Variants in SH2B3 observed in about 807,000 individuals in gnomAD.
SH2B3 encodes SH2B adaptor protein 3, also known as SH2B adapter protein 3.
SH2B3 carries 43 observed loss-of-function variants against 51.9 expected under a neutral mutation model. The observed-to-expected ratio is 0.83, with a 90% CI of 0.65 to 1.07. The LOEUF (loss-of-function observed/expected upper bound fraction) is 1.07. Ranked by LOEUF, SH2B3 falls within the 50% of genes least tolerant of loss-of-function variation. The pLI is 0.00. For synonymous variants in SH2B3, 396 were observed against 376.0 expected (o/e 1.05, Z -0.62); for missense variants, 952 against 834.3 (o/e 1.14, Z -1.74).
upstream of SH2B3, among the ~76,000 whole-genome samples, chr12:111,405,318 G>A (rs1047191637): frequency 1.3e-5 from 2 of 152,218 alleles, no homozygotes; most frequent in African/African-American, 2.4e-5. The surrounding 1 kb of genome is among the most constrained non-coding windows in gnomAD (Gnocchi z 5.4). Context: ...ACCCAAATCG[G>A]GGGCCTGGGG....
At chr12:111,421,401 C>CTTTTTTTT (rs550860498) in intron 2 of SH2B3, among the ~76,000 whole-genome samples, 1 of 90,618 alleles carries the variant, frequency 1.1e-5, no homozygotes, top group African/African-American at 5.3e-5. Context: ...TAGTGTCTTC[C>CTTTTTTTT]TTTTTTTTTT....
intron 2 of SH2B3, among the ~76,000 whole-genome samples, chr12:111,422,977 G>A (rs1336857620): frequency 2.0e-5 from 3 of 152,210 alleles, no homozygotes; most frequent in Non-Finnish European, 4.4e-5. Flanking sequence ...GATTACAGGT[G>A]CGAGCCACCA....
chr12:111,447,319 T>G lies in SH2B3; in HGVS notation c.1022-11T>G, dbSNP rs1430809426. The G allele has an allele frequency of 6.2e-7, 1 of 1,607,468 alleles. No homozygotes were observed. Among genetic ancestry groups the G allele is most frequent in the Admixed American group, 1.7e-5 (1 of 60,020 alleles). On this transcript the variant is annotated splice_polypyrimidine_tract_variant and intron_variant, in intron 5 of 7. Transcript: ENST00000341259. ...CCCCCTGCGACCACCATCACCCATC[T>G]TATCTAACAGGTGCTTCTCCTGGGG...
rs1453154192 is a variant in SH2B3 at position 111,451,250 on chromosome 12, T to A, written c.*2948T>A. On this transcript the variant is annotated 3_prime_UTR_variant, in exon 8 of 8. Coordinates refer to ENST00000341259, the MANE Select transcript of SH2B3 (RefSeq NM_005475.3). ...AATCTTGGGCCAGAGAACACTATTT[T>A]TACATAACAGTTTCTTAACCTAAAG... 6.6e-6 allele frequency: 1 copy of A among 152,644 alleles called. No individual in the cohort carries two copies. Among genetic ancestry groups the A allele is most frequent in the Non-Finnish European group, 1.5e-5 (1 of 68,044 alleles). 9.5% of individuals were successfully genotyped at this position (152,644 alleles called of 1,614,324 possible). A position where few individuals can be genotyped will look rare whatever the true frequency, so the allele number is the denominator to read the frequency against.
rs748374121 is a variant in SH2B3 at position 111,407,621 on chromosome 12, A to G, written c.-28+1344A>G. On this transcript the variant is annotated intron_variant, in intron 1 of 7. Transcript: ENST00000341259. The surrounding 1 kb of genome is among the most constrained non-coding windows in gnomAD (Gnocchi z 4.3). The stretch of plus-strand genomic sequence containing the variant: ...ATGAGAGCCAGGGCCTACTGGGGGA[A>G]GTTGGAAGGGTTTTTAGTGCACTTT... Among the ~76,000 whole-genome samples the G allele has an allele frequency of 1.2e-4, 19 of 152,182 alleles. No individual in the cohort carries two copies. The highest frequency in any genetic ancestry group is 4.6e-4 in the African/African-American group (19 of 41,452).
At chr12:111,444,539 A>G (rs185277000) in intron 2 of SH2B3, among the ~76,000 whole-genome samples, 2 of 152,362 alleles carry the variant, frequency 1.3e-5, no homozygotes, top group African/African-American at 2.4e-5. Flanking sequence ...CAACCACAGT[A>G]GAGCCTAAGC....
Position 111,406,636 on chromosome 12 carries a change from A to G in SH2B3, c.-28+359A>G, listed in dbSNP as rs1032471774. Among the ~76,000 whole-genome samples, 1 of 152,166 alleles carries G rather than the reference A, an allele frequency of 6.6e-6. No homozygotes were observed. Among genetic ancestry groups the G allele is most frequent in the Non-Finnish European group, 1.5e-5 (1 of 68,026 alleles). On this transcript the variant is annotated intron_variant, in intron 1 of 7. Transcript: ENST00000341259. The surrounding 1 kb of genome is among the most constrained non-coding windows in gnomAD (Gnocchi z 5.7). ...GGGGAGGAGCGGTCAGGGGTCACCC[A>G]TTGCTACCCTGAAAGTGAAAGTAGT...
intron 2 of SH2B3, among the ~76,000 whole-genome samples, chr12:111,445,324 T>C (rs1163998550): frequency 6.6e-6 from 1 of 152,180 alleles, no homozygotes; most frequent in Non-Finnish European, 1.5e-5. Context: ...TTACCCATCT[T>C]GCAGACAGGA....
At chr12:111,444,622 G>A in intron 2 of SH2B3, 1 of 410,070 alleles carries the variant, frequency 2.4e-6, no homozygotes, top group Non-Finnish European at 3.3e-6. Flanking sequence ...TGTGAGAGGA[G>A]GGAACCTAAA....
At chr12:111,408,442 C>A (rs1455723006) in intron 1 of SH2B3, among the ~76,000 whole-genome samples, 1 of 146,018 alleles carries the variant, frequency 6.8e-6, no homozygotes, top group African/African-American at 2.5e-5. Context: ...TGGGCCTGAT[C>A]CTCCTTCTCC....
At chr12:111,439,213 G>A (rs1049992402) in intron 2 of SH2B3, among the ~76,000 whole-genome samples, 10 of 151,428 alleles carry the variant, frequency 6.6e-5, no homozygotes, top group African/African-American at 1.7e-4. Flanking sequence ...GCAGTGGCAC[G>A]ATCTTGGCTC....
intron 1 of SH2B3, among the ~76,000 whole-genome samples, chr12:111,412,134 C>T (rs923381687): frequency 6.6e-6 from 1 of 152,234 alleles, no homozygotes; most frequent in Non-Finnish European, 1.5e-5. Context: ...TTCCTGTCCA[C>T]AGCTTGTCAG....
In SH2B3 at chr12:111,447,328, A is replaced by C. The variant is rs1874092117; in HGVS notation, c.1022-2A>C. 6.2e-7 allele frequency: 1 copy of C among 1,612,528 alleles called. No individual in the cohort carries two copies. The highest frequency in any genetic ancestry group is 8.5e-7 in the Non-Finnish European group (1 of 1,178,802). On this transcript the variant is annotated splice_acceptor_variant, in intron 5 of 7. Transcript: ENST00000341259. LOFTEE classifies it high-confidence loss of function. ...ACCACCATCACCCATCTTATCTAAC[A>C]GGTGCTTCTCCTGGGGGGCTGCTGG...
upstream of SH2B3, among the ~76,000 whole-genome samples, chr12:111,404,939 G>T (rs1227585557): frequency 6.6e-6 from 1 of 152,232 alleles, no homozygotes; most frequent in Non-Finnish European, 1.5e-5. Flanking sequence ...GGGAAGACTC[G>T]AGGTGGCCCC....
chr12:111,409,892 C>G lies in SH2B3; in HGVS notation c.-28+3615C>G, dbSNP rs1247089820. On this transcript the variant is annotated intron_variant, in intron 1 of 7. Coordinates refer to ENST00000341259, the MANE Select transcript of SH2B3 (RefSeq NM_005475.3). This position sits in a 1 kb window ranked among gnomAD's most constrained non-coding sequence, Gnocchi z 4.0. Reference sequence around the variant, plus strand: ...CAGGGGAACAGGTCCTCCTGGTGCCCCCCCACTCCCCGCCCCAGCCGGAAA... The same window carrying G: ...CAGGGGAACAGGTCCTCCTGGTGCCGCCCCACTCCCCGCCCCAGCCGGAAA... Among the ~76,000 whole-genome samples the G allele has an allele frequency of 2.0e-5, 3 of 152,222 alleles. No individual in the cohort carries two copies. The highest frequency in any genetic ancestry group is 7.2e-5 in the African/African-American group (3 of 41,462).
Position 111,418,895 on chromosome 12 carries a change from G to A in SH2B3, c.732+18G>A. 7.2e-7 allele frequency: 1 copy of A among 1,390,816 alleles called. No homozygotes were observed. The highest frequency in any genetic ancestry group is 1.5e-5 in the African/African-American group (1 of 65,290). 86.2% of individuals were successfully genotyped at this position (1,390,816 alleles called of 1,614,324 possible). A position where few individuals can be genotyped will look rare whatever the true frequency, so the allele number is the denominator to read the frequency against. On this transcript the variant is annotated intron_variant, in intron 2 of 7. Coordinates refer to ENST00000341259, the MANE Select transcript of SH2B3 (RefSeq NM_005475.3). This position sits in a 1 kb window ranked among gnomAD's most constrained non-coding sequence, Gnocchi z 6.7. ...CACCCAAGGTAAGTAAGCCCTGCCC[G>A]CGGGGTTGCGCACTGCACTGCGCCC...
At position 111,446,834 on chromosome 12, in the gene SH2B3, C is replaced by G; in HGVS notation, c.814C>G (p.Leu272Val). The change falls in exon 3 of 8, where the codon CTT becomes GTT. Residue 272 changes from leucine to valine, a missense_variant. Leu to Val is a conservative substitution (Grantham distance 32, BLOSUM62 1). Transcript: ENST00000341259. ...CACACGGCTTGAGATGCCTGACAAC[C>G]TTTACACCTTTGTGCTGAAGGTGAG... ...WCTRLEMPDN[L>V]YTFVLKVKDR... The G allele has an allele frequency of 1.3e-6, 2 of 1,597,848 alleles. No homozygotes were observed. The highest frequency in any genetic ancestry group is 8.5e-7 in the Non-Finnish European group (1 of 1,169,868).
Position 111,447,338 on chromosome 12 carries a change from C to T in SH2B3, c.1030C>T (p.Pro344Ser). The change falls in exon 6 of 8, where the codon CCT (proline) becomes TCT (serine). Residue 344 changes from proline (P) to serine (S), a missense_variant. Transcript: ENST00000341259. ...CCCATCTTATCTAACAGGTGCTTCT[C>T]CTGGGGGGCTGCTGGACCCGGCCTG... ...STDSLNQGAS[P>S]GGLLDPACQK... The T allele has an allele frequency of 6.2e-7, 1 of 1,613,816 alleles. No individual in the cohort carries two copies. The highest frequency in any genetic ancestry group is 1.1e-5 in the South Asian group (1 of 91,062).
Position 111,429,854 on chromosome 12 carries a change from C to T in SH2B3, c.732+10977C>T, listed in dbSNP as rs1468250637. Among the ~76,000 whole-genome samples the T allele has an allele frequency of 1.3e-5, 2 of 152,144 alleles. No individual in the cohort carries two copies. Among genetic ancestry groups the T allele is most frequent in the Non-Finnish European group, 2.9e-5 (2 of 68,036 alleles). On this transcript the variant is annotated intron_variant, in intron 2 of 7. Coordinates refer to ENST00000341259, the MANE Select transcript of SH2B3 (RefSeq NM_005475.3). This position sits in a 1 kb window ranked among gnomAD's most constrained non-coding sequence, Gnocchi z 4.4. ...TGGGTCTGCCAAGGCCGGGGGGCAC[C>T]AGGGGCAGGGGGTTTGTGTTTAGGC...
Sources: allele counts gnomAD v4.1 joint callset (sites outside exome capture counted in the v4.1 genomes callset), GRCh38; gene constraint gnomAD v4.1.1; non-coding constraint Gnocchi (gnomAD v3.1); transcripts MANE v1.5; gene names NCBI Gene and HGNC (gene_info 2026-07-23, HGNC 2026-07-21).